Variants in EZH1 observed in about 807,000 individuals in gnomAD.
The protein encoded by EZH1 is histone-lysine N-methyltransferase EZH1.
In EZH1, 33 loss-of-function variants were observed where a neutral mutation model predicts 100.5. The ratio of observed to expected loss-of-function variants is 0.33; its 90% CI spans 0.25 to 0.44. The LOEUF is 0.44. EZH1 is among the 20% of genes least tolerant of loss of function. EZH1 has a pLI of 1.00. For missense variants in EZH1, 475 were observed against 928.4 expected, an observed-to-expected ratio of 0.51 and a Z score of 6.35; for synonymous variants, 272 against 313.8, an observed-to-expected ratio of 0.87 and a Z score of 1.41.
chr17:42,737,067 C>T (rs1194057960), intron 1 of EZH1, among the ~76,000 whole-genome samples: 2 of 149,458 alleles, frequency 1.3e-5, no homozygotes, highest in South Asian at 2.1e-4. Flanking sequence ...CTCACTGCAA[C>T]CTCCACCTTC....
chr17:42,743,955 A>AT (rs1343980109), intron 1 of EZH1, among the ~76,000 whole-genome samples: 2 of 152,048 alleles, frequency 1.3e-5, no homozygotes. Flanking sequence ...GGGTGTGGGA[A>AT]TTTTTTTATT....
intron 1 of EZH1, among the ~76,000 whole-genome samples, chr17:42,744,398 G>A (rs1219243346): frequency 6.6e-6 from 1 of 152,120 alleles, no homozygotes; most frequent in Non-Finnish European, 1.5e-5. Context: ...TCTTGCTCAG[G>A]GCCAGGCCTG....
chr17:42,704,982 G>A, intron 17 of EZH1, 106 bp downstream of exon 17: 1 of 987,114 alleles, frequency 1.0e-6, no homozygotes, highest in Non-Finnish European at 1.6e-6. Flanking sequence ...TGAGAACACA[G>A]CTGAGTTATT....
At chr17:42,739,234 A>T (rs548957633) in intron 1 of EZH1, among the ~76,000 whole-genome samples, 2 of 152,260 alleles carry the variant, frequency 1.3e-5, no homozygotes, top group African/African-American at 4.8e-5. Context: ...GTGACTAGGT[A>T]CACAGCCTGA....
At chr17:42,723,094 G>A (rs560255813) in intron 5 of EZH1, among the ~76,000 whole-genome samples, 179 bp from the exon 6 acceptor site, 1 of 152,256 alleles carries the variant, frequency 6.6e-6, no homozygotes, top group Admixed American at 6.5e-5. Flanking sequence ...ACCTCAAATG[G>A]GGCCAAGTGT....
intron 1 of EZH1, 27 bp downstream of exon 1, chr17:42,744,984 C>T (rs1347929114): frequency 3.2e-6 from 4 of 1,263,104 alleles, no homozygotes; most frequent in African/African-American, 1.6e-5. Context: ...GCCCCACCGC[C>T]CGGCCCAGGC....
intron 11 of EZH1, among the ~76,000 whole-genome samples, 157 bp downstream of exon 11, chr17:42,713,052 A>AAAAG (rs1555647518): frequency 2.0e-5 from 3 of 151,438 alleles, no homozygotes; most frequent in African/African-American, 7.3e-5. Flanking sequence ...AAAAAAAAAA[A>AAAAG]AAAAAAGAAA....
intron 12 of EZH1, among the ~76,000 whole-genome samples, chr17:42,711,329 C>T (rs189992287): frequency 7.2e-5 from 11 of 152,246 alleles, no homozygotes; most frequent in African/African-American, 1.2e-4. Context: ...CAAAATTAGC[C>T]GGGCGTGGTG....
intron 1 of EZH1, among the ~76,000 whole-genome samples, chr17:42,740,272 G>A (rs1350889819): frequency 1.4e-5 from 2 of 141,040 alleles, no homozygotes; most frequent in Non-Finnish European, 3.1e-5. Context: ...ACGGAGTCTT[G>A]CTCTGTTGCC....
intron 1 of EZH1, chr17:42,732,023 G>T (rs533123781): frequency 6.6e-6 from 1 of 151,860 alleles, no homozygotes; most frequent in East Asian, 1.9e-4. Context: ...TTTCGCTGAG[G>T]TGAGAGGATC....
chr17:42,724,448 A>G (rs368333583), intron 4 of EZH1, 24 bp from the exon 5 acceptor site: 1 of 1,611,302 alleles, frequency 6.2e-7, no homozygotes, highest in Non-Finnish European at 8.5e-7. Context: ...AATGACATGG[A>G]GAGGGAAAGA....
At chr17:42,739,471 C>A (rs1006090848) in intron 1 of EZH1, among the ~76,000 whole-genome samples, 6 of 152,172 alleles carry the variant, frequency 3.9e-5, no homozygotes, top group African/African-American at 1.4e-4. Flanking sequence ...GTAGCTCACA[C>A]CTGTAATCCC....
At chr17:42,719,882 A>G (rs947703646) in intron 7 of EZH1, among the ~76,000 whole-genome samples, 1 of 152,204 alleles carries the variant, frequency 6.6e-6, no homozygotes, top group African/African-American at 2.4e-5. Flanking sequence ...ATGATACAAT[A>G]AAAGAGAATA....
chr17:42,717,464 G>C (rs1196740507), intron 10 of EZH1, among the ~76,000 whole-genome samples: 2 of 152,166 alleles, frequency 1.3e-5, no homozygotes, highest in Non-Finnish European at 2.9e-5. Flanking sequence ...TCTTTGGCAA[G>C]TCCAGTTGAT....
At chr17:42,703,369 G>T in intron 19 of EZH1, 1 of 294,666 alleles carries the variant, frequency 3.4e-6, no homozygotes, top group South Asian at 3.3e-5. Flanking sequence ...GTAGAGATGG[G>T]GTTTCACCAT....
rs1048976029 is a variant in EZH1, at chr17:42,720,330, C to T, written c.607G>A (p.Asp203Asn). Residue 203 changes from aspartate (D) to asparagine (N), a missense_variant, in exon 7 of 21, where the codon GAT becomes AAT. Asp to Asn is a conservative substitution (Grantham distance 23). Coordinates refer to ENST00000428826, the MANE Select transcript of EZH1 (RefSeq NM_001991.5). ...GHNDTSDGKQ[D>N]DSKEDLPVTR... ...ACTGGCAGATCTTCTTTGCTGTCAT[C>T]CTGCTTTCCATCTGAGGTGTCATTG... The T allele has an allele frequency of 1.3e-5, 21 of 1,614,038 alleles. No homozygotes were observed. The Admixed American group carries it at 2.7e-4, about 20-fold the overall frequency.
chr17:42,730,529 C>T (rs2053921856), intron 2 of EZH1, among the ~76,000 whole-genome samples: 1 of 117,506 alleles, frequency 8.5e-6, no homozygotes, highest in Admixed American at 1.2e-4. Context: ...CGGAGTCTCG[C>T]TCTGTCGCCC....
intron 1 of EZH1, among the ~76,000 whole-genome samples, chr17:42,733,337 CAAA>C (rs1204785901): frequency 9.0e-4 from 67 of 74,674 alleles, no homozygotes; most frequent in Non-Finnish European, 1.3e-3. Flanking sequence ...AACTCTGTCT[CAAA>C]AAAAAAAAAA....
chr17:42,708,934 G>A lies in EZH1; in HGVS notation c.1494-18C>T. 6.2e-7 allele frequency: 1 copy of A among 1,614,174 alleles called. No homozygotes were observed. On this transcript the variant is annotated intron_variant, in intron 13 of 20. Transcript: ENST00000428826. ...CCCACAATCTGAAAAAGACAGGAAG[G>A]ACAGGTCTCAGTCACGGCCCTAGGG...
Sources: allele counts gnomAD v4.1 joint callset (sites outside exome capture counted in the v4.1 genomes callset), GRCh38; gene constraint gnomAD v4.1.1; transcripts MANE v1.5; gene names NCBI Gene and HGNC (gene_info 2026-07-23, HGNC 2026-07-21).